Variants in ABCC1 observed in about 807,000 individuals in gnomAD.
ABCC1 encodes multidrug resistance-associated protein 1.
A neutral mutation model predicts 172.9 loss-of-function variants in ABCC1; 83 were observed. The observed-to-expected ratio is 0.48, with a 90% CI of 0.40 to 0.58. The LOEUF (loss-of-function observed/expected upper bound fraction) is 0.58, where lower values mean the gene tolerates loss of function less well. Ranked by LOEUF, ABCC1 falls within the 20% of genes least tolerant of loss-of-function variation. ABCC1 has a pLI of 0.00. For missense variants in ABCC1, 1,817 were observed against 2,002.7 expected, an observed-to-expected ratio of 0.91 and a Z score of 1.77; for synonymous variants, 937 against 825.2, an observed-to-expected ratio of 1.14 and a Z score of -2.32.
chr16:15,950,337 G>GT (rs527773422), intron 1 of ABCC1, among the ~76,000 whole-genome samples: 16 of 151,710 alleles, frequency 1.1e-4, no homozygotes, highest in Admixed American at 4.6e-4. Context: ...ACCTAGCTTT[G>GT]TTTTTTTTGT....
In ABCC1 at chr16:16,048,215, C is replaced by G. The variant is rs778349991; in HGVS notation, c.1292C>G (p.Ala431Gly). Residue 431 changes from alanine to glycine, a missense_variant, in exon 10 of 31, where the codon GCT becomes GGT. Ala to Gly is a moderately conservative substitution (Grantham distance 60). Around this residue, in one of 3 missense-constraint regions of ABCC1, gnomAD observed 1,412 missense variants for 1,600.3 expected, o/e 0.88. Coordinates refer to ENST00000399410, the MANE Select transcript of ABCC1 (RefSeq NM_004996.4). ...GEIVNLMSVDAQRFMDLATYI... is the reference protein window; with the variant it reads ...GEIVNLMSVDGQRFMDLATYI... ...ATTGTCAACCTCATGTCTGTGGACG[C>G]TCAGAGGTTCATGGACTTGGCCACG... 7 of 1,614,220 alleles carry G rather than the reference C, an allele frequency of 4.3e-6. No individual in the cohort carries two copies. The highest frequency in any genetic ancestry group is 3.4e-6 in the Non-Finnish European group (4 of 1,180,028).
At chr16:16,015,964 T>C (rs1177716819) in intron 4 of ABCC1, among the ~76,000 whole-genome samples, 2 of 152,052 alleles carry the variant, frequency 1.3e-5, no homozygotes, top group Non-Finnish European at 2.9e-5. Context: ...CAGGCCTTGA[T>C]ACAGCTCTGT....
Position 16,044,474 on chromosome 16 carries a change from C to G in ABCC1, c.834C>G (p.Ser278=). The change falls in exon 8 of 31, where the codon TCC becomes TCG. Residue 278 remains serine, a synonymous_variant. Coordinates refer to ENST00000399410, the MANE Select transcript of ABCC1 (RefSeq NM_004996.4). Reference sequence around the variant, plus strand: ...GGCAGCCGGTGAAGGTTGTGTACTCCTCCAAGGATCCTGCCCAGCCGAAAG... The same window carrying G: ...GGCAGCCGGTGAAGGTTGTGTACTCGTCCAAGGATCCTGCCCAGCCGAAAG... ...TRKQPVKVVY[S]SKDPAQPKES... 1 of 1,614,166 alleles carries G rather than the reference C, an allele frequency of 6.2e-7. No homozygotes were observed. Among genetic ancestry groups the G allele is most frequent in the Non-Finnish European group, 8.5e-7 (1 of 1,180,030 alleles).
chr16:16,118,533 G>A (rs558246239), intron 23 of ABCC1, among the ~76,000 whole-genome samples: 10 of 146,888 alleles, frequency 6.8e-5, no homozygotes, highest in Non-Finnish European at 1.5e-4. Context: ...CAGGCCAAAT[G>A]CAGTGTTGAA....
intron 1 of ABCC1, among the ~76,000 whole-genome samples, chr16:15,998,621 G>C (rs999979878): frequency 6.6e-6 from 1 of 152,178 alleles, no homozygotes; most frequent in Non-Finnish European, 1.5e-5. Flanking sequence ...GCCGCCCTTT[G>C]GGTCTGGGCT....
At chr16:16,099,155 T>C (rs775808573) in intron 19 of ABCC1, among the ~76,000 whole-genome samples, 4 of 152,224 alleles carry the variant, frequency 2.6e-5, no homozygotes, top group Non-Finnish European at 4.4e-5. Flanking sequence ...AGCTCTACTG[T>C]TTCATGCATC....
rs753751054 is a variant in ABCC1, at chr16:16,079,440, G to A, written c.2077G>A (p.Ala693Thr). The change falls in exon 16 of 31, where the codon GCT (alanine) becomes ACT (threonine). Residue 693 changes from alanine (A) to threonine (T), a missense_variant. Ala to Thr is a moderately conservative substitution (Grantham distance 58, BLOSUM62 0). Transcript: ENST00000399410. ...GTCGTCCCTGCTCTCAGCCCTCTTG[G>A]CTGAGATGGACAAAGTGGAGGGGCA... is the stretch of plus-strand genomic sequence containing the variant. ...GKSSLLSALL[A>T]EMDKVEGHVA... 1 of 1,613,872 alleles carries A rather than the reference G, an allele frequency of 6.2e-7. No individual in the cohort carries two copies. The highest frequency in any genetic ancestry group is 8.5e-7 in the Non-Finnish European group (1 of 1,179,804).
chr16:16,138,246 G>A (rs1263916902), intron 29 of ABCC1, 118 bp from the exon 30 acceptor site: 1 of 895,398 alleles, frequency 1.1e-6, no homozygotes, highest in Non-Finnish European at 1.7e-6. Context: ...GAGTGGACAT[G>A]CTTTCCTGGT....
At chr16:16,075,918 G>A (rs1027182501) in intron 14 of ABCC1, among the ~76,000 whole-genome samples, 2 of 150,476 alleles carry the variant, frequency 1.3e-5, no homozygotes, top group African/African-American at 4.9e-5. Context: ...GTTTGCATGT[G>A]GACGCCAGCT....
intron 1 of ABCC1, among the ~76,000 whole-genome samples, chr16:15,976,256 A>C (rs8047359): frequency 0.19 from 29,089 of 152,110 alleles, 3,503 homozygotes; most frequent in African/African-American, 0.34. Flanking sequence ...AGCAAGAGCA[A>C]AACTCTGTCT....
At chr16:15,954,971 G>T (rs74011326) in intron 1 of ABCC1, among the ~76,000 whole-genome samples, 2 of 152,028 alleles carry the variant, frequency 1.3e-5, no homozygotes, top group African/African-American at 4.8e-5. Flanking sequence ...TCAGCAAATC[G>T]TGTTGCCCGT....
chr16:15,955,720 C>T (rs1386701940), intron 1 of ABCC1, among the ~76,000 whole-genome samples: 1 of 152,090 alleles, frequency 6.6e-6, no homozygotes, highest in Admixed American at 6.6e-5. Context: ...AATCTCTGTC[C>T]CCCATCTACA....
chr16:15,998,985 T>TA (rs147818088), intron 1 of ABCC1, among the ~76,000 whole-genome samples: 2,936 of 152,170 alleles, frequency 0.019, 89 homozygotes, highest in African/African-American at 0.066. Context: ...TCCTGACTTT[T>TA]AAAAAAATTA....
chr16:16,066,089 C>T (rs1325214991), intron 12 of ABCC1, among the ~76,000 whole-genome samples: 1 of 152,186 alleles, frequency 6.6e-6, no homozygotes, highest in East Asian at 1.9e-4. Context: ...CCATTCCATT[C>T]CAGGCAACCA....
chr16:16,099,230 G>A (rs1178599156), intron 19 of ABCC1, among the ~76,000 whole-genome samples: 2 of 152,350 alleles, frequency 1.3e-5, no homozygotes, highest in Non-Finnish European at 1.5e-5. Context: ...CACAGTGGAT[G>A]GACAATAAAT....
chr16:16,068,378 G>T, intron 13 of ABCC1, 76 bp downstream of exon 13: 2 of 1,553,326 alleles, frequency 1.3e-6, no homozygotes, highest in Non-Finnish European at 8.8e-7. Context: ...AAGTGCCCCC[G>T]AGCGCAGCCT....
At chr16:16,025,729 A>G (rs2048346866) in intron 5 of ABCC1, among the ~76,000 whole-genome samples, 1 of 152,220 alleles carries the variant, frequency 6.6e-6, no homozygotes, top group Admixed American at 6.5e-5. Flanking sequence ...GTTTCTGGCC[A>G]GCTCATCTGG....
intron 19 of ABCC1, among the ~76,000 whole-genome samples, chr16:16,100,338 G>GT (rs1475048855): frequency 7.7e-6 from 1 of 129,130 alleles, no homozygotes; most frequent in Non-Finnish European, 1.6e-5. Flanking sequence ...TTATAGGAGG[G>GT]TGGCCTGAGG....
intron 1 of ABCC1, among the ~76,000 whole-genome samples, chr16:15,965,740 A>G (rs1567276757): frequency 6.6e-6 from 1 of 151,886 alleles, no homozygotes; most frequent in Non-Finnish European, 1.5e-5. Flanking sequence ...GGGATTACAC[A>G]TGTGTACCAT....
Sources: gnomAD v4.1 joint callset for allele counts (sites outside exome capture counted in the v4.1 genomes callset) on GRCh38, gnomAD v4.1.1 for gene constraint, gnomAD v4.1.1 regional missense constraint, MANE v1.5 for transcripts, NCBI Gene and HGNC (gene_info 2026-07-23, HGNC 2026-07-21) for gene names.